Variants in HPSE2 observed in about 807,000 individuals in gnomAD.
HPSE2 encodes inactive heparanase-2.
A neutral mutation model predicts 60.5 loss-of-function variants in HPSE2; 38 were observed. That is an observed-to-expected ratio of 0.63 (90% CI 0.48 to 0.82). The LOEUF is 0.82. Ranked by LOEUF, HPSE2 falls within the 40% of genes least tolerant of loss-of-function variation. The pLI is 0.00. For missense variants in HPSE2, 713 were observed against 740.4 expected (o/e 0.96, Z 0.43); for synonymous variants, 295 against 293.2 (o/e 1.01, Z -0.06).
At chr10:98,690,885 A>C (rs1376277361) in intron 6 of HPSE2, among the ~76,000 whole-genome samples, 1 of 152,170 alleles carries the variant, frequency 6.6e-6, no homozygotes, top group Non-Finnish European at 1.5e-5. Flanking sequence ...TCCAAATCAA[A>C]ATAGTCAAAC....
At chr10:99,270,272 G>C in the HPSE2 span, among the ~76,000 whole-genome samples, 1 of 152,072 alleles carries the variant, frequency 6.6e-6, no homozygotes, top group Non-Finnish European at 1.5e-5. Flanking sequence ...AAATAAGCTC[G>C]ATTAGAAATG....
At chr10:99,087,963 C>A (rs977324141) in intron 3 of HPSE2, among the ~76,000 whole-genome samples, 1 of 151,526 alleles carries the variant, frequency 6.6e-6, no homozygotes, top group Non-Finnish European at 1.5e-5. Context: ...CCTGAACCCC[C>A]CCTTCTCATT....
chr10:98,706,082 T>C (rs1948540162), intron 5 of HPSE2, among the ~76,000 whole-genome samples: 1 of 126,608 alleles, frequency 7.9e-6, no homozygotes, highest in Non-Finnish European at 1.6e-5. Context: ...TCCAGTAAGG[T>C]AGATATTTCT....
chr10:98,742,755 T>C (rs903910100), intron 4 of HPSE2, among the ~76,000 whole-genome samples: 6 of 146,882 alleles, frequency 4.1e-5, no homozygotes, highest in Non-Finnish European at 5.9e-5. Flanking sequence ...ATGGAATGAA[T>C]GATAACTTAT....
chr10:99,046,053 A>T (rs1957848155), intron 3 of HPSE2, among the ~76,000 whole-genome samples: 1 of 152,080 alleles, frequency 6.6e-6, no homozygotes, highest in African/African-American at 2.4e-5. Flanking sequence ...AGTTTAGGCC[A>T]ATATCCCTGA....
intron 5 of HPSE2, among the ~76,000 whole-genome samples, chr10:98,719,753 C>T (rs1453437492): frequency 6.7e-6 from 1 of 149,218 alleles, no homozygotes; most frequent in Non-Finnish European, 1.5e-5. Context: ...GTAATCCTAG[C>T]ACTTTGGGAG....
intron 5 of HPSE2, among the ~76,000 whole-genome samples, chr10:98,708,455 CAAAA>C (rs35950365): frequency 8.4e-6 from 1 of 119,680 alleles, no homozygotes. Context: ...GACTACGTCT[CAAAA>C]AAAAAAAAAA....
chr10:99,239,418 GTTTTT>G (rs760549054), upstream of HPSE2, among the ~76,000 whole-genome samples: 4 of 100,410 alleles, frequency 4.0e-5, no homozygotes, highest in East Asian at 2.6e-4. Context: ...GTTTGTCAAG[GTTTTT>G]TTTTTTTTTT....
chr10:99,017,622 C>T lies in HPSE2; in HGVS notation c.610+126616G>A, dbSNP rs559224308. Among the ~76,000 whole-genome samples the T allele has an allele frequency of 3.0e-4, 46 of 152,168 alleles. 1 individual carries two copies. The highest frequency in any genetic ancestry group is 1.1e-3 in the African/African-American group (45 of 41,498). On this transcript the variant is annotated intron_variant, in intron 3 of 11. Coordinates refer to ENST00000370552, the MANE Select transcript of HPSE2 (RefSeq NM_021828.5). ...TTAGTACCAGTTCTTCTTTGTATGT[C>T]TGGTAGAAATCGGCTGTGAATCTGT...
chr10:99,304,397 C>A, the HPSE2 span, among the ~76,000 whole-genome samples: 2 of 152,228 alleles, frequency 1.3e-5, no homozygotes, highest in African/African-American at 4.8e-5. Context: ...CTACTCTCTG[C>A]CTACAGGATA....
intron 9 of HPSE2, among the ~76,000 whole-genome samples, chr10:98,603,433 T>C (rs1466118665): frequency 3.7e-5 from 1 of 27,098 alleles, no homozygotes; most frequent in Non-Finnish European, 2.5e-4. Flanking sequence ...AGCACTCTGT[T>C]TTTTTGTTTT....
intron 10 of HPSE2, among the ~76,000 whole-genome samples, chr10:98,484,477 A>T (rs999836779): frequency 6.6e-6 from 1 of 152,166 alleles, no homozygotes; most frequent in African/African-American, 2.4e-5. Flanking sequence ...ACCTCAAGTG[A>T]TCACCCGCCT....
intron 3 of HPSE2, among the ~76,000 whole-genome samples, chr10:98,941,204 T>G (rs1268976115): frequency 7.3e-6 from 1 of 136,278 alleles, no homozygotes; most frequent in Non-Finnish European, 1.5e-5. Flanking sequence ...ACCACTCCTA[T>G]TCAACATAGT....
intron 2 of HPSE2, among the ~76,000 whole-genome samples, chr10:99,191,079 T>C (rs1848203716): frequency 6.6e-6 from 1 of 152,080 alleles, no homozygotes; most frequent in Non-Finnish European, 1.5e-5. Flanking sequence ...GGACTTTGTC[T>C]TGAGGTTTGG....
chr10:98,528,404 A>G (rs1460900797), intron 9 of HPSE2, among the ~76,000 whole-genome samples: 1 of 152,188 alleles, frequency 6.6e-6, no homozygotes, highest in African/African-American at 2.4e-5. Flanking sequence ...CATTTTCTCA[A>G]AAAAGCATAT....
intron 9 of HPSE2, among the ~76,000 whole-genome samples, chr10:98,573,526 G>GC (rs1564979799): frequency 4.6e-5 from 7 of 152,218 alleles, no homozygotes; most frequent in African/African-American, 7.2e-5. Context: ...TTGTTTTGTT[G>GC]TCCCCCATTC....
chr10:98,615,230 G>GA (rs1945875186), intron 8 of HPSE2, among the ~76,000 whole-genome samples: 1 of 152,130 alleles, frequency 6.6e-6, no homozygotes, highest in African/African-American at 2.4e-5. Context: ...GATAGAAAAA[G>GA]AAACAGAGGT....
chr10:98,589,816 T>C (rs1945038858), intron 9 of HPSE2, among the ~76,000 whole-genome samples: 1 of 152,246 alleles, frequency 6.6e-6, no homozygotes, highest in South Asian at 2.1e-4. Flanking sequence ...ACTCCACTTT[T>C]GTCCTCAGCC....
intron 3 of HPSE2, among the ~76,000 whole-genome samples, chr10:99,114,748 A>C (rs1844605769): frequency 6.6e-6 from 1 of 151,954 alleles, no homozygotes; most frequent in South Asian, 2.1e-4. Context: ...TCCCGTCTCC[A>C]CTAAAAATAC....
Sources: gnomAD v4.1 joint callset for allele counts (sites outside exome capture counted in the v4.1 genomes callset) on GRCh38, gnomAD v4.1.1 for gene constraint, MANE v1.5 for transcripts, NCBI Gene and HGNC (gene_info 2026-07-23, HGNC 2026-07-21) for gene names.